USP50: variants seen among roughly 807,000 people sequenced by gnomAD.
USP50 encodes the protein ubiquitin carboxyl-terminal hydrolase 50.
In USP50, 37 loss-of-function variants were observed where a neutral mutation model predicts 39.2. That is an observed-to-expected ratio of 0.94 (90% CI 0.73 to 1.24). USP50 has a LOEUF of 1.24. Among genes scored for constraint, USP50 ranks in the 50% most tolerant of loss-of-function variants. The pLI, the probability that USP50 is intolerant of heterozygous loss-of-function variation, is 0.00. For missense variants in USP50, 374 were observed against 398.2 expected, an observed-to-expected ratio of 0.94 and a Z score of 0.52; for synonymous variants, 139 against 144.5, an observed-to-expected ratio of 0.96 and a Z score of 0.27.
intron 6 of USP50, chr15:50,511,752 C>A (rs529816822): frequency 2.0e-5 from 3 of 152,180 alleles, no homozygotes; most frequent in Non-Finnish European, 4.4e-5. Flanking sequence ...ATCCCAGCAC[C>A]TGGGGGAGCC....
chr15:50,494,245 T>C, intron 1 of USP50: 1 of 1,611,642 alleles, frequency 6.2e-7, no homozygotes, highest in Non-Finnish European at 8.5e-7. Context: ...ATTGCTTCTG[T>C]TCCTAATGGA....
intron 6 of USP50, among the ~76,000 whole-genome samples, chr15:50,516,647 T>C (rs1346122691): frequency 6.6e-6 from 1 of 151,658 alleles, no homozygotes; most frequent in Non-Finnish European, 1.5e-5. Flanking sequence ...CCCAACTATA[T>C]ACTAGCTACG....
intron 4 of USP50, among the ~76,000 whole-genome samples, chr15:50,539,572 C>T (rs978551128): frequency 2.0e-5 from 3 of 152,232 alleles, no homozygotes; most frequent in African/African-American, 7.2e-5. Flanking sequence ...CGTGCCACCA[C>T]ACCCAGCTAA....
At chr15:50,540,815 G>T (rs949940908) in intron 4 of USP50, among the ~76,000 whole-genome samples, 1 of 152,094 alleles carries the variant, frequency 6.6e-6, no homozygotes, top group Non-Finnish European at 1.5e-5. Flanking sequence ...GTAGAGACAG[G>T]GTTTCACCAT....
chr15:50,546,095 G>A (rs965625653), intron 1 of USP50, among the ~76,000 whole-genome samples: 1 of 151,792 alleles, frequency 6.6e-6, no homozygotes, highest in African/African-American at 2.4e-5. Flanking sequence ...ATTGTGCCAG[G>A]CAGCCTGGTA....
intron 6 of USP50, among the ~76,000 whole-genome samples, chr15:50,521,102 C>T (rs1442314540): frequency 6.6e-5 from 10 of 152,146 alleles, no homozygotes; most frequent in Admixed American, 4.6e-4. Context: ...AGTACAAAGG[C>T]GCCATCTCAG....
At chr15:50,544,408 C>T (rs1004391497) in intron 2 of USP50, among the ~76,000 whole-genome samples, 179 bp downstream of exon 2, 7 of 151,736 alleles carry the variant, frequency 4.6e-5, no homozygotes, top group Admixed American at 4.6e-4. Context: ...AAAGGAGCTG[C>T]ATTCATTTCT....
At chr15:50,514,841 A>T (rs891576922) in intron 6 of USP50, among the ~76,000 whole-genome samples, 8 of 151,672 alleles carry the variant, frequency 5.3e-5, no homozygotes, top group Admixed American at 2.6e-4. Flanking sequence ...AAATTTTTTT[A>T]AAAAATTAGC....
At chr15:50,534,034 G>A (rs1462564569) in intron 5 of USP50, among the ~76,000 whole-genome samples, 1 of 152,084 alleles carries the variant, frequency 6.6e-6, no homozygotes, top group Non-Finnish European at 1.5e-5. Flanking sequence ...ATCGTTTACA[G>A]AGAAGGAAAA....
downstream of USP50, chr15:50,497,326 C>T (rs1595994746): frequency 1.3e-5 from 18 of 1,436,690 alleles, no homozygotes; most frequent in African/African-American, 1.9e-4. Flanking sequence ...CTGCCATGGG[C>T]ACATAACAAA....
At chr15:50,497,255 T>C, downstream of USP50, 1 of 1,571,570 alleles carries the variant, frequency 6.4e-7, no homozygotes, top group African/African-American at 1.4e-5. Flanking sequence ...TTTGTCCTCC[T>C]GTTCAGTGAA....
chr15:50,529,102 T>C (rs1201459032), intron 6 of USP50, among the ~76,000 whole-genome samples: 1 of 152,142 alleles, frequency 6.6e-6, no homozygotes, highest in African/African-American at 2.4e-5. Context: ...CTTAGAACCA[T>C]AGGGACCCCA....
At chr15:50,525,336 G>A (rs908629975) in intron 6 of USP50, among the ~76,000 whole-genome samples, 18 of 151,936 alleles carry the variant, frequency 1.2e-4, no homozygotes, top group East Asian at 3.8e-4. Flanking sequence ...GATCTATTGC[G>A]TGGCAGAGTG....
At chr15:50,532,873 A>G (rs2052951809) in intron 5 of USP50, among the ~76,000 whole-genome samples, 1 of 152,184 alleles carries the variant, frequency 6.6e-6, no homozygotes, top group African/African-American at 2.4e-5. Flanking sequence ...TCTTTTAACT[A>G]CTAGAGGAAA....
chr15:50,515,346 A>C (rs914116137), intron 6 of USP50, among the ~76,000 whole-genome samples: 4 of 151,984 alleles, frequency 2.6e-5, no homozygotes, highest in African/African-American at 9.7e-5. Context: ...GGTTCACGCC[A>C]TTCTCCTGCC....
chr15:50,525,560 ATATGTATATATG>A (rs1387604693), intron 6 of USP50, among the ~76,000 whole-genome samples: 5 of 134,716 alleles, frequency 3.7e-5, no homozygotes, highest in Admixed American at 8.5e-5. Context: ...ATATGTGTAT[ATATGTATATATG>A]TATATGTATA....
At chr15:50,498,732 A>C, downstream of USP50, 1 of 1,604,048 alleles carries the variant, frequency 6.2e-7, no homozygotes, top group Non-Finnish European at 8.5e-7. Flanking sequence ...TGTTTCAGTA[A>C]GTATCTCTTT....
At chr15:50,521,033 A>C (rs762600205) in intron 6 of USP50, among the ~76,000 whole-genome samples, 1 of 152,008 alleles carries the variant, frequency 6.6e-6, no homozygotes, top group Non-Finnish European at 1.5e-5. Context: ...TAAATACCCC[A>C]ATTTGGTTCT....
chr15:50,496,331 A>AG (rs763898238), downstream of USP50, among the ~76,000 whole-genome samples: 3 of 152,084 alleles, frequency 2.0e-5, no homozygotes, highest in Admixed American at 6.5e-5. Flanking sequence ...AATACAAAAA[A>AG]TTAGCCGGGC....
Sources: allele counts gnomAD v4.1 joint callset (sites outside exome capture counted in the v4.1 genomes callset), GRCh38; gene constraint gnomAD v4.1.1; transcripts MANE v1.5; gene names NCBI Gene and HGNC (gene_info 2026-07-23, HGNC 2026-07-21).